The following DST variants were observed in gnomAD, a reference collection of about 807,000 sequenced individuals.
DST encodes dystonin, also known as bullous pemphigoid antigen.
DST carries 253 observed loss-of-function variants against 875.2 expected under a neutral mutation model. The observed-to-expected ratio is 0.29, with a 90% CI of 0.26 to 0.32. The LOEUF is 0.32. DST is among the 10% of genes least tolerant of loss of function. The pLI is 1.00. For missense variants in DST, 8,287 were observed against 9,111.6 expected (o/e 0.91, Z 3.68); for synonymous variants, 3,124 against 3,197.1 (o/e 0.98, Z 0.77).
At chr6:56,763,716 C>CACAT (rs2099624466) in intron 4 of DST, among the ~76,000 whole-genome samples, 1 of 140,726 alleles carries the variant, frequency 7.1e-6, no homozygotes, top group Non-Finnish European at 1.6e-5. Flanking sequence ...CACACACACA[C>CACAT]ACACACACAT....
At chr6:56,781,238 G>C (rs1284938152) in intron 4 of DST, among the ~76,000 whole-genome samples, 2 of 152,168 alleles carry the variant, frequency 1.3e-5, no homozygotes, top group African/African-American at 4.8e-5. Context: ...CTTTAAAGTA[G>C]TTTTTTCCAA....
intron 4 of DST, among the ~76,000 whole-genome samples, chr6:56,735,973 G>C (rs4574643): frequency 0.58 from 88,165 of 151,954 alleles, 28,489 homozygotes; most frequent in African/African-American, 0.88. Context: ...ATTCTCCTGC[G>C]TCAGCCCCCA....
At chr6:56,701,056 C>G (rs1402075796) in intron 8 of DST, among the ~76,000 whole-genome samples, 2 of 145,846 alleles carry the variant, frequency 1.4e-5, no homozygotes, top group Non-Finnish European at 3.0e-5. Context: ...CATGGCTCAA[C>G]ACATCCTCAA....
At chr6:56,861,625 A>G (rs764289010) in intron 3 of DST, among the ~76,000 whole-genome samples, 1 of 152,100 alleles carries the variant, frequency 6.6e-6, no homozygotes. Flanking sequence ...ATTTCATTTT[A>G]TCTCTCTTTC....
At chr6:56,803,270 TA>T (rs1425070016) in intron 4 of DST, among the ~76,000 whole-genome samples, 1 of 152,240 alleles carries the variant, frequency 6.6e-6, no homozygotes, top group Non-Finnish European at 1.5e-5. Context: ...AGTGTCTGGA[TA>T]TAGCCTATTC....
Position 56,603,861 on chromosome 6 carries a change from A to G in DST, c.10767T>C (p.Ala3589=). ...CTTGTTCGGTTGAGCTATCTCCAGA[A>G]GCCATCTCTTTAGACCCTGAAGTAC... ...LECTSGSKEM[A]SGDSSTEQFS... is the part of the protein sequence containing the mutation. The change falls in exon 40 of 104, where the codon GCT becomes GCC. Residue 3589 remains alanine (A), a synonymous_variant. Coordinates refer to ENST00000680361, the MANE Select transcript of DST (RefSeq NM_001374736.1). 1.2e-6 allele frequency: 2 copies of G among 1,610,774 alleles called. No homozygotes were observed. The highest frequency in any genetic ancestry group is 8.5e-7 in the Non-Finnish European group (1 of 1,178,556).
intron 89 of DST, chr6:56,482,392 T>G (rs1353380178): frequency 2.4e-5 from 14 of 588,916 alleles, no homozygotes; most frequent in Non-Finnish European, 3.7e-5. Flanking sequence ...GAAGAAAAAT[T>G]TACCACTTTA....
Position 56,635,594 on chromosome 6 carries a change from A to T in DST, c.3181T>A (p.Ser1061Thr), listed in dbSNP as rs888827368. 7 of 1,613,978 alleles carry T rather than the reference A, an allele frequency of 4.3e-6. No individual in the cohort carries two copies. The highest frequency in any genetic ancestry group is 5.1e-6 in the Non-Finnish European group (6 of 1,179,904). ...CATAGGTTTTGTATTAGTACCATTG[A>T]TTCCTGAACAAGGTCTTCTAGCTTG... ...IHKLEDLVQE[S>T]MEEKEELLQY... The change falls in exon 24 of 104, where the codon TCA becomes ACA. Residue 1061 changes from serine to threonine, a missense_variant. Around this residue, in one of 10 missense-constraint regions of DST, gnomAD observed 1,160 missense variants for 1,424.3 expected, o/e 0.81. Coordinates refer to ENST00000680361, the MANE Select transcript of DST (RefSeq NM_001374736.1).
intron 10 of DST, among the ~76,000 whole-genome samples, chr6:56,656,964 A>G (rs1040428539): frequency 4.6e-5 from 7 of 152,108 alleles, no homozygotes; most frequent in African/African-American, 1.7e-4. Context: ...GTCCTATACC[A>G]ATGTTTCCCA....
At chr6:56,701,806 C>T (rs1214395371) in intron 8 of DST, 82 bp downstream of exon 8, 2 of 847,116 alleles carry the variant, frequency 2.4e-6, no homozygotes, top group Non-Finnish European at 3.7e-6. Context: ...CAAATTTAAC[C>T]TTGTCATTCC....
chr6:56,599,226 CTTA>C (rs2098420322), intron 45 of DST, among the ~76,000 whole-genome samples: 1 of 152,024 alleles, frequency 6.6e-6, no homozygotes, highest in Admixed American at 6.6e-5. Context: ...AAGATCTCTC[CTTA>C]GTAGTTATAG....
intron 4 of DST, among the ~76,000 whole-genome samples, chr6:56,780,200 C>T (rs1260324217): frequency 6.6e-6 from 1 of 151,862 alleles, no homozygotes; most frequent in African/African-American, 2.4e-5. Context: ...GTACATGTGT[C>T]TTTATAGCAG....
intron 90 of DST, among the ~76,000 whole-genome samples, chr6:56,481,431 A>C (rs1390353379): frequency 2.0e-5 from 3 of 152,244 alleles, no homozygotes; most frequent in Non-Finnish European, 4.4e-5. Flanking sequence ...AAAGATCTTG[A>C]TTTGAAAACT....
chr6:56,735,207 G>A (rs1477715164), intron 5 of DST, 21 bp downstream of exon 5: 1 of 1,493,384 alleles, frequency 6.7e-7, no homozygotes, highest in South Asian at 1.2e-5. Context: ...ATTCCAGGAA[G>A]TGAACGAAAT....
At chr6:56,535,755 G>T (rs2096984164) in intron 62 of DST, among the ~76,000 whole-genome samples, 1 of 152,182 alleles carries the variant, frequency 6.6e-6, no homozygotes, top group Admixed American at 6.5e-5. Flanking sequence ...AATAACAAAA[G>T]TATCCAATTA....
At position 56,631,191 on chromosome 6, in the gene DST, T is replaced by G; in HGVS notation, c.4142+20A>C. 1 of 1,472,884 alleles carries G rather than the reference T, an allele frequency of 6.8e-7. No homozygotes were observed. Among genetic ancestry groups the G allele is most frequent in the Non-Finnish European group, 9.3e-7 (1 of 1,077,118 alleles). 91.2% of individuals were successfully genotyped at this position (1,472,884 alleles called of 1,614,324 possible). A position where few individuals can be genotyped will look rare whatever the true frequency, so the allele number is the denominator to read the frequency against. ...AGAGTTGTATGAAGCAATTTATATA[T>G]TGAGATAGCAGTTACATACTTATCT... On this transcript the variant is annotated intron_variant, in intron 30 of 103. Coordinates refer to ENST00000680361, the MANE Select transcript of DST (RefSeq NM_001374736.1).
chr6:56,892,471 C>A (rs1788059536), intron 3 of DST, among the ~76,000 whole-genome samples: 1 of 151,788 alleles, frequency 6.6e-6, no homozygotes, highest in Non-Finnish European at 1.5e-5. Flanking sequence ...TACAGGCGTG[C>A]ACCACCATGA....
intron 87 of DST, among the ~76,000 whole-genome samples, chr6:56,486,530 C>G (rs895458547): frequency 3.3e-5 from 5 of 152,018 alleles, no homozygotes; most frequent in African/African-American, 1.2e-4. Flanking sequence ...TATATTTGAA[C>G]TCTACTACTA....
intron 4 of DST, among the ~76,000 whole-genome samples, chr6:56,782,882 C>A (rs1434540724): frequency 6.6e-6 from 1 of 152,122 alleles, no homozygotes; most frequent in Non-Finnish European, 1.5e-5. Context: ...TTTCCCTCTA[C>A]ACACTGCTTT....
Sources: allele counts gnomAD v4.1 joint callset (sites outside exome capture counted in the v4.1 genomes callset), GRCh38; gene constraint gnomAD v4.1.1; regional missense constraint gnomAD v4.1.1; transcripts MANE v1.5; gene names NCBI Gene and HGNC (gene_info 2026-07-23, HGNC 2026-07-21).